The following LRRC4C variants were observed in gnomAD, a reference collection of about 807,000 sequenced individuals.
LRRC4C encodes the protein leucine-rich repeat-containing protein 4C.
A neutral mutation model predicts 33.6 loss-of-function variants in LRRC4C; 5 were observed. The ratio of observed to expected loss-of-function variants is 0.15; its 90% CI spans 0.08 to 0.31. LRRC4C has a LOEUF of 0.31. Ranked by LOEUF, LRRC4C falls within the 10% of genes least tolerant of loss-of-function variation. LRRC4C has a pLI of 1.00. For synonymous variants in LRRC4C, 329 were observed against 302.0 expected (o/e 1.09, Z -0.93); for missense variants, 560 against 796.7 (o/e 0.70, Z 3.58).
intron 4 of LRRC4C, among the ~76,000 whole-genome samples, chr11:40,315,629 G>T (rs1450082798): frequency 6.6e-6 from 1 of 151,736 alleles, no homozygotes; most frequent in Non-Finnish European, 1.5e-5. Flanking sequence ...TCTATTTTTA[G>T]TTTTTTAAGT....
At chr11:40,895,128 GA>G (rs553236927) in intron 2 of LRRC4C, among the ~76,000 whole-genome samples, 2 of 149,734 alleles carry the variant, frequency 1.3e-5, no homozygotes, top group Admixed American at 1.3e-4. Flanking sequence ...ATTGTTCAAG[GA>G]AAAAAAAATG....
chr11:40,709,114 G>A (rs975041788), intron 2 of LRRC4C, among the ~76,000 whole-genome samples: 2 of 151,992 alleles, frequency 1.3e-5, no homozygotes, highest in African/African-American at 4.8e-5. Context: ...ATGTGAAATG[G>A]GTCTCCTGAA....
chr11:40,589,919 T>C (rs995491771), intron 3 of LRRC4C, among the ~76,000 whole-genome samples: 1 of 150,670 alleles, frequency 6.6e-6, no homozygotes, highest in African/African-American at 2.4e-5. Context: ...CATTTTTTCC[T>C]TCATTTCAAC....
chr11:40,531,974 T>C (rs941665803), intron 3 of LRRC4C, among the ~76,000 whole-genome samples: 1 of 148,564 alleles, frequency 6.7e-6, no homozygotes, highest in South Asian at 2.2e-4. Flanking sequence ...ATAATTATAA[T>C]TATGATTAAT....
At chr11:41,232,490 A>C (rs1461453112) in intron 1 of LRRC4C, among the ~76,000 whole-genome samples, 2 of 151,986 alleles carry the variant, frequency 1.3e-5, no homozygotes, top group Non-Finnish European at 2.9e-5. Context: ...GTTATCAATC[A>C]CTGTTTTAAA....
chr11:41,181,951 A>T (rs963651374), intron 1 of LRRC4C, among the ~76,000 whole-genome samples: 31 of 152,166 alleles, frequency 2.0e-4, no homozygotes, highest in African/African-American at 6.5e-4. Flanking sequence ...TATTACCTGA[A>T]AAACCATTCC....
intron 4 of LRRC4C, chr11:40,293,658 A>T (rs1399281366): frequency 6.6e-6 from 1 of 150,868 alleles, no homozygotes; most frequent in Non-Finnish European, 1.5e-5. Context: ...GAAAACGGGT[A>T]AAAAAAAAAT....
At chr11:40,558,190 G>C (rs1957404851) in intron 3 of LRRC4C, among the ~76,000 whole-genome samples, 1 of 152,176 alleles carries the variant, frequency 6.6e-6, no homozygotes, top group African/African-American at 2.4e-5. Flanking sequence ...TTATGAGTCA[G>C]AATTAAAATG....
chr11:40,962,869 C>G (rs1358467561), intron 1 of LRRC4C, among the ~76,000 whole-genome samples: 1 of 151,632 alleles, frequency 6.6e-6, no homozygotes, highest in Non-Finnish European at 1.5e-5. Context: ...TCTCACAATT[C>G]TACAAGCATA....
intron 1 of LRRC4C, among the ~76,000 whole-genome samples, chr11:40,991,756 G>T (rs995613420): frequency 6.6e-6 from 1 of 152,122 alleles, no homozygotes; most frequent in Non-Finnish European, 1.5e-5. Flanking sequence ...TAGGGTTTGT[G>T]CTCCTTTGAG....
At chr11:40,537,974 T>C (rs1435626835) in intron 3 of LRRC4C, among the ~76,000 whole-genome samples, 1 of 152,090 alleles carries the variant, frequency 6.6e-6, no homozygotes, top group Non-Finnish European at 1.5e-5. Flanking sequence ...ACCCACAGGA[T>C]TAGAATCTGC....
chr11:41,143,251 T>C (rs759296275), intron 1 of LRRC4C, among the ~76,000 whole-genome samples: 2 of 151,818 alleles, frequency 1.3e-5, no homozygotes, highest in African/African-American at 2.4e-5. Flanking sequence ...AATGAATGCA[T>C]GTCATCTTTG....
At chr11:40,302,708 TG>T (rs1247141052) in intron 4 of LRRC4C, among the ~76,000 whole-genome samples, 9 of 152,312 alleles carry the variant, frequency 5.9e-5, no homozygotes, top group African/African-American at 2.2e-4. Flanking sequence ...TCAATTTCAG[TG>T]GGTTCTGTAT....
intron 2 of LRRC4C, among the ~76,000 whole-genome samples, chr11:40,684,763 A>T (rs940052909): frequency 6.6e-6 from 1 of 152,094 alleles, no homozygotes; most frequent in African/African-American, 2.4e-5. Flanking sequence ...ATGAGGAACA[A>T]TTAGTTTGAC....
At chr11:41,273,185 C>T (rs1197334912) in intron 1 of LRRC4C, among the ~76,000 whole-genome samples, 1 of 152,078 alleles carries the variant, frequency 6.6e-6, no homozygotes, top group Non-Finnish European at 1.5e-5. Flanking sequence ...CCCTTATACA[C>T]TACTGATGGG....
At chr11:40,946,785 A>T (rs1472701125) in intron 1 of LRRC4C, among the ~76,000 whole-genome samples, 2 of 152,178 alleles carry the variant, frequency 1.3e-5, no homozygotes, top group Non-Finnish European at 2.9e-5. Context: ...CATCTAACAG[A>T]GCACTGCATC....
chr11:40,728,406 C>A (rs749595195), intron 2 of LRRC4C, among the ~76,000 whole-genome samples: 3 of 151,262 alleles, frequency 2.0e-5, no homozygotes, highest in African/African-American at 7.3e-5. Flanking sequence ...GAGATCGAGA[C>A]CATCCTGGCT....
chr11:40,916,893 C>T (rs1234409109), intron 2 of LRRC4C, among the ~76,000 whole-genome samples: 1 of 151,920 alleles, frequency 6.6e-6, no homozygotes, highest in Admixed American at 6.6e-5. Flanking sequence ...ATCAATGTTA[C>T]ATGAATTTAT....
intron 1 of LRRC4C, among the ~76,000 whole-genome samples, chr11:41,426,928 G>A (rs1955061774): frequency 6.6e-6 from 1 of 152,168 alleles, no homozygotes; most frequent in East Asian, 1.9e-4. Context: ...CCACAAAAGA[G>A]AAGTGGAAAT....
Sources: gnomAD v4.1 joint callset for allele counts (sites outside exome capture counted in the v4.1 genomes callset) on GRCh38, gnomAD v4.1.1 for gene constraint, MANE v1.5 for transcripts, NCBI Gene and HGNC (gene_info 2026-07-23, HGNC 2026-07-21) for gene names.